Variants in HNF1A observed in about 807,000 individuals in gnomAD.
The protein encoded by HNF1A is hepatocyte nuclear factor 1-alpha.
HNF1A carries 21 observed loss-of-function variants against 62.2 expected under a neutral mutation model. The observed-to-expected ratio is 0.34, with a 90% CI of 0.24 to 0.49. The LOEUF is 0.49. HNF1A is among the 20% of genes least tolerant of loss of function. The probability of loss-of-function intolerance (pLI) is 0.99; values close to 1 mark genes in which losing one functional copy is unlikely to be tolerated. For synonymous variants in HNF1A, 374 were observed against 366.8 expected, an observed-to-expected ratio of 1.02 and a Z score of -0.22; for missense variants, 687 against 832.3, an observed-to-expected ratio of 0.83 and a Z score of 2.15.
At chr12:120,980,789 G>A (rs552316432) in intron 1 of HNF1A, 1 of 152,540 alleles carries the variant, frequency 6.6e-6, no homozygotes, top group South Asian at 2.1e-4. Context: ...GGCAGAGAGT[G>A]TAGAGAGAGG....
chr12:120,979,087 C>T lies in HNF1A; in HGVS notation c.319C>T (p.Leu107Phe). 6.2e-7 allele frequency: 1 copy of T among 1,609,448 alleles called. No individual in the cohort carries two copies. Among genetic ancestry groups the T allele is most frequent in the Non-Finnish European group, 8.5e-7 (1 of 1,178,222 alleles). The change falls in exon 1 of 10, where the codon CTT becomes TTT. Residue 107 changes from leucine (L) to phenylalanine (F), a missense_variant. Leu to Phe is a conservative substitution (Grantham distance 22, BLOSUM62 0). Coordinates refer to ENST00000257555, the MANE Select transcript of HNF1A (RefSeq NM_000545.8). ...CCACCAGAAAGCCGTGGTGGAGACC[C>T]TTCTGCAGTAAGGAGCCCTGCCCCG... ...AAHQKAVVET[L>F]LQEDPWRVAK...
intron 3 of HNF1A, among the ~76,000 whole-genome samples, 162 bp from the exon 4 acceptor site, chr12:120,994,002 T>A (rs1876957514): frequency 6.6e-6 from 1 of 152,188 alleles, no homozygotes; most frequent in African/African-American, 2.4e-5. Context: ...TCAGACAGAC[T>A]GTCAATTGCC....
intron 7 of HNF1A, among the ~76,000 whole-genome samples, chr12:120,998,997 C>G (rs923713754): frequency 1.3e-5 from 2 of 152,248 alleles, no homozygotes; most frequent in African/African-American, 4.8e-5. Flanking sequence ...TTCATACCTG[C>G]TGTCTCCAGG....
intron 1 of HNF1A, among the ~76,000 whole-genome samples, chr12:120,985,950 A>C (rs1593051616): frequency 6.6e-6 from 1 of 151,672 alleles, no homozygotes; most frequent in Non-Finnish European, 1.5e-5. Flanking sequence ...GCGCCACTGC[A>C]CTCCAGCCTG....
Position 120,978,564 on chromosome 12 carries a change from G to A in HNF1A, c.-205G>A, listed in dbSNP as rs985167109. ...CCCCAGCTCCAATGTAAACAGAACA[G>A]GCAGGGGCCCTGATTCACGGGCCGC... On this transcript the variant is annotated 5_prime_UTR_variant, in exon 1 of 10. Coordinates refer to ENST00000257555, the MANE Select transcript of HNF1A (RefSeq NM_000545.8). 5 of 640,070 alleles carry A rather than the reference G, an allele frequency of 7.8e-6. No homozygotes were observed. Among genetic ancestry groups the A allele is most frequent in the Middle Eastern group, 4.0e-4 (1 of 2,470 alleles). 39.6% of individuals were successfully genotyped at this position (640,070 alleles called of 1,614,324 possible). A position where few individuals can be genotyped will look rare whatever the true frequency, so the allele number is the denominator to read the frequency against.
At chr12:120,990,019 G>A (rs55691424) in intron 2 of HNF1A, among the ~76,000 whole-genome samples, 16,242 of 152,002 alleles carry the variant, frequency 0.11, 1,171 homozygotes, top group Admixed American at 0.25. Flanking sequence ...GGGAATGGTG[G>A]GTTTTCTTCT....
Position 120,996,317 on chromosome 12 carries a change from C to A in HNF1A, c.1011C>A (p.Ser337Arg). 6.2e-7 allele frequency: 1 copy of A among 1,614,168 alleles called. No homozygotes were observed. Among genetic ancestry groups the A allele is most frequent in the Non-Finnish European group, 8.5e-7 (1 of 1,180,024 alleles). The change falls in exon 5 of 10, where the codon AGC (serine) becomes AGA (arginine). Residue 337 changes from serine to arginine, a missense_variant. Around this residue, in one of 5 missense-constraint regions of HNF1A, gnomAD observed 408 missense variants for 455.3 expected, o/e 0.90. Transcript: ENST00000257555. The surrounding 1 kb of genome is among the most constrained non-coding windows in gnomAD (Gnocchi z 4.5). ...TSETAEVPSSSGGPLVTVSTP... is the reference protein window; with the variant it reads ...TSETAEVPSSRGGPLVTVSTP... ...AGACTGCAGAAGTACCCTCAAGCAG[C>A]GGCGGTCCCTTAGTGACAGTGTCTA...
intron 6 of HNF1A, 113 bp from the exon 7 acceptor site, chr12:120,997,361 C>T: frequency 5.2e-6 from 7 of 1,352,938 alleles, no homozygotes; most frequent in Non-Finnish European, 6.9e-6. Flanking sequence ...ACCACCCTGC[C>T]CCCTCCTCCA....
chr12:120,992,507 C>T (rs1412685513), intron 2 of HNF1A, among the ~76,000 whole-genome samples: 1 of 152,186 alleles, frequency 6.6e-6, no homozygotes, highest in African/African-American at 2.4e-5. Flanking sequence ...ATGGCAGGCA[C>T]ACATCACTGT....
At chr12:120,989,880 G>T (rs571921765) in intron 2 of HNF1A, among the ~76,000 whole-genome samples, 33 of 152,172 alleles carry the variant, frequency 2.2e-4, no homozygotes, top group African/African-American at 7.7e-4. Context: ...GTTGAATTTT[G>T]ACCCATGGAG....
At chr12:120,993,778 TC>T in intron 3 of HNF1A, 72 bp downstream of exon 3, 4 of 1,497,624 alleles carry the variant, frequency 2.7e-6, no homozygotes, top group East Asian at 2.3e-5. Context: ...GGAAGGTGAC[TC>T]TAGGTCCTGT....
intron 2 of HNF1A, among the ~76,000 whole-genome samples, chr12:120,990,645 AGGAAAGG>A (rs1876783494): frequency 1.0e-5 from 1 of 98,944 alleles, no homozygotes; most frequent in South Asian, 2.9e-4. Flanking sequence ...TAGGAAAGGG[AGGAAAGG>A]TAGGAAAGGG....
intron 1 of HNF1A, 72 bp downstream of exon 1, chr12:120,979,166 C>A (rs989331125): frequency 1.3e-4 from 174 of 1,378,080 alleles, no homozygotes; most frequent in Non-Finnish European, 1.6e-4. Context: ...AACGAGCCCC[C>A]CTTCTGAGTT....
At chr12:120,995,994 T>C (rs565564726) in intron 4 of HNF1A, among the ~76,000 whole-genome samples, 55 of 152,350 alleles carry the variant, frequency 3.6e-4, no homozygotes, top group Non-Finnish European at 6.0e-4. Flanking sequence ...TTCAGTTGTC[T>C]TCTACTGAGC....
Position 120,996,514 on chromosome 12 carries a change from C to CG in HNF1A, c.1108-25dup. On this transcript the variant is annotated intron_variant, in intron 5 of 9. Coordinates refer to ENST00000257555, the MANE Select transcript of HNF1A (RefSeq NM_000545.8). The surrounding 1 kb of genome is among the most constrained non-coding windows in gnomAD (Gnocchi z 4.5). ...AGGCCCTGTGGGGACCCCGGCCCCCCGGACACAGCTTGGCTTCCCCTCGTA... is the reference window on the plus strand; with the variant it reads ...AGGCCCTGTGGGGACCCCGGCCCCCCGGGACACAGCTTGGCTTCCCCTCGTA... The CG allele has an allele frequency of 6.2e-7, 1 of 1,612,926 alleles. No homozygotes were observed.
chr12:120,987,865 C>CT (rs1555211283), intron 1 of HNF1A, among the ~76,000 whole-genome samples: 14 of 151,724 alleles, frequency 9.2e-5, no homozygotes, highest in African/African-American at 2.9e-4. Flanking sequence ...CTTTTCTTTT[C>CT]TTTTTTTTGA....
At position 120,997,670 on chromosome 12, in the gene HNF1A, G is replaced by C. The variant is rs1399164820; in HGVS notation, c.1501+5G>C. The C allele has an allele frequency of 1.2e-6, 2 of 1,608,106 alleles. No homozygotes were observed. Among genetic ancestry groups the C allele is most frequent in the Non-Finnish European group, 1.7e-6 (2 of 1,177,468 alleles). Reference sequence around the variant, plus strand: ...CTCAGCTGCAGAGCCCCCACGGTGAGCGCCCTGTGCCCCACACAGCAGGAG... The same window carrying C: ...CTCAGCTGCAGAGCCCCCACGGTGACCGCCCTGTGCCCCACACAGCAGGAG... On this transcript the variant is annotated splice_donor_5th_base_variant and intron_variant, in intron 7 of 9. Transcript: ENST00000257555.
chr12:120,990,253 T>C (rs958540297), intron 2 of HNF1A, among the ~76,000 whole-genome samples: 5 of 152,250 alleles, frequency 3.3e-5, no homozygotes, highest in South Asian at 4.1e-4. Context: ...GCCATTCTCC[T>C]GCCTCAGCCT....
At chr12:121,000,545 GGCTGGCAGGCCTGAAATCTGTT>G (rs1448787818) in intron 9 of HNF1A, 1 of 202,890 alleles carries the variant, frequency 4.9e-6, no homozygotes, top group African/African-American at 2.3e-5. Flanking sequence ...GTCTGCGGGG[GGCTGGCAGGCCTGAAATCTGTT>G]GCTGGCAGCT....
Sources: allele counts gnomAD v4.1 joint callset (sites outside exome capture counted in the v4.1 genomes callset), GRCh38; gene constraint gnomAD v4.1.1; regional missense constraint gnomAD v4.1.1; non-coding constraint Gnocchi (gnomAD v3.1); transcripts MANE v1.5; gene names NCBI Gene and HGNC (gene_info 2026-07-23, HGNC 2026-07-21).